The following CTTNBP2 variants were observed in gnomAD, a reference collection of about 807,000 sequenced individuals.
CTTNBP2 encodes the protein cortactin binding protein 2, also known as cortactin-binding protein 2.
A neutral mutation model predicts 156.9 loss-of-function variants in CTTNBP2; 108 were observed. The ratio of observed to expected loss-of-function variants is 0.69; its 90% confidence interval spans 0.59 to 0.81. The LOEUF (loss-of-function observed/expected upper bound fraction) is 0.81, where lower values mean the gene tolerates loss of function less well. Among genes scored for constraint, CTTNBP2 ranks in the 30% least tolerant of loss-of-function variants. CTTNBP2 has a pLI of 0.00. For synonymous variants in CTTNBP2, 767 were observed against 751.8 expected, an observed-to-expected ratio of 1.02 and a Z score of -0.33; for missense variants, 1,924 against 2,035.4, an observed-to-expected ratio of 0.95 and a Z score of 1.05.
At chr7:117,745,766 C>G (rs1796291932) in intron 14 of CTTNBP2, 65 bp downstream of exon 14, 1 of 1,075,856 alleles carries the variant, frequency 9.3e-7, no homozygotes. Flanking sequence ...TGTATTTTCT[C>G]TTAATGGCAT....
intron 12 of CTTNBP2, chr7:117,755,501 G>C (rs746360313): frequency 4.3e-6 from 2 of 466,730 alleles, no homozygotes; most frequent in African/African-American, 4.0e-5. Context: ...TCAGAGACTT[G>C]CACAATCCTG....
intron 2 of CTTNBP2, among the ~76,000 whole-genome samples, chr7:117,843,758 G>T (rs1802409262): frequency 6.6e-6 from 1 of 152,076 alleles, no homozygotes; most frequent in Non-Finnish European, 1.5e-5. Context: ...ACCGGAGTGG[G>T]GCAGCTACAC....
In CTTNBP2 at chr7:117,802,225, T is replaced by C. The variant is rs1563022201; in HGVS notation, c.414+8540A>G. The stretch of plus-strand genomic sequence containing the variant: ...TCAATACAGGAAAATTACAATTATA[T>C]AAGAAACAGATATAGTAATCACTTG... On this transcript the variant is annotated intron_variant, in intron 3 of 22. Coordinates refer to ENST00000160373, the MANE Select transcript of CTTNBP2 (RefSeq NM_033427.3). 2.0e-5 allele frequency among the ~76,000 whole-genome samples: 3 copies of C among 151,790 alleles called. No individual in the cohort carries two copies. In the South Asian group the frequency reaches 6.2e-4, roughly 32 times the overall value.
Position 117,780,468 on chromosome 7 carries a change from A to G in CTTNBP2, c.2496T>C (p.Ala832=). The G allele has an allele frequency of 1.3e-6, 2 of 1,588,918 alleles. No homozygotes were observed. Among genetic ancestry groups the G allele is most frequent in the Non-Finnish European group, 1.7e-6 (2 of 1,170,322 alleles). ...TGGTTTTTACACTTCGATTGGTTCC[A>G]GCTTCCAACAAGAGTTTAATACATT... ...NKECIKLLLE[A]GTNRSVKTTD... The change falls in exon 7 of 23, where the codon GCT becomes GCC. Residue 832 remains alanine (A), a synonymous_variant. Coordinates refer to ENST00000160373, the MANE Select transcript of CTTNBP2 (RefSeq NM_033427.3).
chr7:117,863,750 T>C (rs1293936116), intron 1 of CTTNBP2, among the ~76,000 whole-genome samples: 2 of 152,240 alleles, frequency 1.3e-5, no homozygotes, highest in African/African-American at 4.8e-5. Flanking sequence ...AGGCAGGCGA[T>C]TGTTATTATT....
At chr7:117,823,290 T>C (rs1279943062) in intron 2 of CTTNBP2, among the ~76,000 whole-genome samples, 1 of 152,188 alleles carries the variant, frequency 6.6e-6, no homozygotes, top group Non-Finnish European at 1.5e-5. Flanking sequence ...AAATAAGCAA[T>C]TATGATTTTG....
intron 3 of CTTNBP2, among the ~76,000 whole-genome samples, chr7:117,795,270 G>T (rs930908814): frequency 1.3e-5 from 2 of 152,050 alleles, no homozygotes; most frequent in African/African-American, 4.8e-5. Flanking sequence ...AAAACACATT[G>T]AACTCTTCTG....
chr7:117,810,026 C>A (rs1563029551), intron 3 of CTTNBP2, among the ~76,000 whole-genome samples: 1 of 151,988 alleles, frequency 6.6e-6, no homozygotes, highest in East Asian at 1.9e-4. Flanking sequence ...TTTCTATTTA[C>A]TTATTTCCTT....
chr7:117,810,710 TCTC>T (rs1410837643), intron 3 of CTTNBP2, 52 bp downstream of exon 3: 1 of 1,389,826 alleles, frequency 7.2e-7, no homozygotes, highest in Non-Finnish European at 1.0e-6. Context: ...TTGGAGGTGA[TCTC>T]CTCATTGGAC....
Position 117,724,615 on chromosome 7 carries a change from G to C in CTTNBP2, c.4379C>G (p.Thr1460Ser). The change falls in exon 19 of 23, where the codon ACC (threonine) becomes AGC (serine). Residue 1460 changes from threonine (T) to serine (S), a missense_variant. By Grantham distance (58) the Thr-to-Ser change is moderately conservative. Coordinates refer to ENST00000160373, the MANE Select transcript of CTTNBP2 (RefSeq NM_033427.3). ...GESGAWRKVN[T>S]SPRRKSGRFS... Reference sequence around the variant, plus strand: ...GCGGCCAGACTTCCTGCGAGGACTGGTGTTCACCTTTCTCCAGGCACCACT... The same window carrying C: ...GCGGCCAGACTTCCTGCGAGGACTGCTGTTCACCTTTCTCCAGGCACCACT... The C allele has an allele frequency of 6.2e-7, 1 of 1,614,096 alleles. No individual in the cohort carries two copies. The highest frequency in any genetic ancestry group is 8.5e-7 in the Non-Finnish European group (1 of 1,180,022).
chr7:117,757,126 T>C (rs1796927133), intron 11 of CTTNBP2, among the ~76,000 whole-genome samples: 1 of 152,174 alleles, frequency 6.6e-6, no homozygotes, highest in South Asian at 2.1e-4. Context: ...TAAAGCAATT[T>C]TCTGGGGTGG....
intron 20 of CTTNBP2, among the ~76,000 whole-genome samples, chr7:117,720,025 G>A (rs1017764348): frequency 9.2e-5 from 14 of 152,124 alleles, no homozygotes; most frequent in Non-Finnish European, 1.8e-4. Flanking sequence ...CCATGCACCA[G>A]GTTTTCTTAA....
At chr7:117,809,007 G>A (rs1219113552) in intron 3 of CTTNBP2, among the ~76,000 whole-genome samples, 2 of 152,038 alleles carry the variant, frequency 1.3e-5, no homozygotes, top group South Asian at 2.1e-4. Context: ...TCACTGAGAC[G>A]ACACAGCCAA....
chr7:117,767,056 C>T lies in CTTNBP2; in HGVS notation c.2896+3G>A. The T allele has an allele frequency of 2.1e-6, 3 of 1,460,368 alleles. No homozygotes were observed. The highest frequency in any genetic ancestry group is 2.9e-6 in the Non-Finnish European group (3 of 1,039,532). 90.5% of individuals were successfully genotyped at this position (1,460,368 alleles called of 1,614,324 possible). Reference sequence around the variant, plus strand: ...TAAACAATAAGCTCTGAACATCACTCACTCAGATTCTCCAGCAAATGCTTG... The same window carrying T: ...TAAACAATAAGCTCTGAACATCACTTACTCAGATTCTCCAGCAAATGCTTG... On this transcript the variant is annotated splice_donor_region_variant and intron_variant, in intron 9 of 22. Coordinates refer to ENST00000160373, the MANE Select transcript of CTTNBP2 (RefSeq NM_033427.3).
intron 12 of CTTNBP2, 101 bp downstream of exon 12, chr7:117,756,453 TG>T (rs978759201): frequency 1.4e-5 from 12 of 844,192 alleles, no homozygotes; most frequent in Middle Eastern, 2.7e-4. Context: ...GAGCACAGGG[TG>T]GGGGGGCTTG....
intron 16 of CTTNBP2, 136 bp from the exon 17 acceptor site, chr7:117,728,403 T>G (rs1437661874): frequency 3.0e-6 from 2 of 656,362 alleles, no homozygotes; most frequent in African/African-American, 3.7e-5. Context: ...TTGGGATGGC[T>G]GAAGGAGGGA....
chr7:117,714,806 G>A (rs1188206202), intron 22 of CTTNBP2, among the ~76,000 whole-genome samples: 3 of 152,192 alleles, frequency 2.0e-5, no homozygotes, highest in Non-Finnish European at 2.9e-5. Context: ...AATAGAGCAG[G>A]TGACCAATGC....
At chr7:117,810,248 T>C (rs1458215756) in intron 3 of CTTNBP2, among the ~76,000 whole-genome samples, 1 of 152,168 alleles carries the variant, frequency 6.6e-6, no homozygotes, top group Non-Finnish European at 1.5e-5. Context: ...AGATGACACA[T>C]TGTGAGACTG....
chr7:117,813,047 G>A (rs1435751164), intron 2 of CTTNBP2, among the ~76,000 whole-genome samples: 1 of 152,050 alleles, frequency 6.6e-6, no homozygotes, highest in Non-Finnish European at 1.5e-5. Context: ...GTCACCTCTG[G>A]GTTGGAAAGG....
Sources: allele counts gnomAD v4.1 joint callset (sites outside exome capture counted in the v4.1 genomes callset), GRCh38; gene constraint gnomAD v4.1.1; transcripts MANE v1.5; gene names NCBI Gene and HGNC (gene_info 2026-07-23, HGNC 2026-07-21).